SKIC3: variants seen among roughly 807,000 people sequenced by gnomAD.
The protein encoded by SKIC3 is superkiller complex protein 3.
At chr5:95,478,327 A>T in the SKIC3 span, 4 of 1,614,022 alleles carry the variant, frequency 2.5e-6, no homozygotes, top group Non-Finnish European at 3.4e-6. Context: ...TAGTCTCAAC[A>T]GACTTGAGAG....
At chr5:95,545,093 A>G in the SKIC3 span, among the ~76,000 whole-genome samples, 1 of 152,196 alleles carries the variant, frequency 6.6e-6, no homozygotes, top group Admixed American at 6.5e-5. Context: ...ATTATTAACT[A>G]TTTGGTGGAA....
the SKIC3 span, among the ~76,000 whole-genome samples, chr5:95,491,809 T>C: frequency 1.3e-5 from 2 of 152,244 alleles, no homozygotes; most frequent in African/African-American, 4.8e-5. Context: ...TGCTGTTTAC[T>C]TCAGCAAGTT....
the SKIC3 span, among the ~76,000 whole-genome samples, chr5:95,501,246 C>G: frequency 6.6e-6 from 1 of 152,124 alleles, no homozygotes; most frequent in African/African-American, 2.4e-5. Flanking sequence ...TAAATTATGA[C>G]TGAAATGACT....
chr5:95,528,776 C>T, the SKIC3 span: 54 of 528,332 alleles, frequency 1.0e-4, no homozygotes, highest in African/African-American at 5.0e-4. Flanking sequence ...TGTCAATATT[C>T]CAAATGCAGG....
the SKIC3 span, among the ~76,000 whole-genome samples, chr5:95,549,362 C>G: frequency 6.6e-6 from 1 of 151,940 alleles, no homozygotes; most frequent in Non-Finnish European, 1.5e-5. Flanking sequence ...GATTACAGAT[C>G]CTGAAAGTCA....
the SKIC3 span, among the ~76,000 whole-genome samples, chr5:95,548,956 C>G: frequency 2.6e-5 from 4 of 152,000 alleles, no homozygotes; most frequent in Non-Finnish European, 5.9e-5. Flanking sequence ...CCAACCACTA[C>G]TAAACTACAT....
chr5:95,509,418 T>C, the SKIC3 span, among the ~76,000 whole-genome samples: 24 of 152,272 alleles, frequency 1.6e-4, no homozygotes, highest in South Asian at 4.8e-3. Context: ...ATCTCACAGA[T>C]TGATTCCAGG....
At chr5:95,481,160 A>C in the SKIC3 span, among the ~76,000 whole-genome samples, 1 of 152,144 alleles carries the variant, frequency 6.6e-6, no homozygotes. Context: ...GCAGTCTCTT[A>C]AGACTTTACT....
chr5:95,464,924 C>CTTTTTTTTTTTT, the SKIC3 span, among the ~76,000 whole-genome samples: 2 of 106,994 alleles, frequency 1.9e-5, no homozygotes, highest in African/African-American at 3.8e-5. Context: ...ATTCTGATTG[C>CTTTTTTTTTTTT]TTTTTTTTTT....
the SKIC3 span, among the ~76,000 whole-genome samples, chr5:95,467,282 A>T: frequency 0.24 from 36,644 of 152,108 alleles, 5,772 homozygotes; most frequent in African/African-American, 0.44. Context: ...AAAAATATCC[A>T]TGAATCTATT....
chr5:95,514,939 A>T, the SKIC3 span: 1 of 1,610,562 alleles, frequency 6.2e-7, no homozygotes, highest in Admixed American at 1.7e-5. Context: ...AAAAAAAGGC[A>T]AAAAATATTA....
chr5:95,543,128 A>G, the SKIC3 span: 1 of 1,600,244 alleles, frequency 6.2e-7, no homozygotes, highest in East Asian at 2.2e-5. Context: ...CTGTATTTTG[A>G]AAAATGCAAA....
At chr5:95,517,181 T>C in the SKIC3 span, 10 of 1,613,270 alleles carry the variant, frequency 6.2e-6, no homozygotes, top group African/African-American at 2.7e-5. Flanking sequence ...TTTTCTTTAA[T>C]ACTTGTTTTC....
chr5:95,522,169 T>C, the SKIC3 span: 4 of 1,613,828 alleles, frequency 2.5e-6, no homozygotes, highest in African/African-American at 2.7e-5. Context: ...ACACACTGTA[T>C]ATGGATTCTG....
chr5:95,529,323 AC>A, the SKIC3 span: 1 of 586,844 alleles, frequency 1.7e-6, no homozygotes, highest in South Asian at 1.9e-5. Flanking sequence ...CCAAATCACT[AC>A]AAGTGCTTGC....
At chr5:95,535,215 T>G in the SKIC3 span, among the ~76,000 whole-genome samples, 1 of 151,864 alleles carries the variant, frequency 6.6e-6, no homozygotes, top group Non-Finnish European at 1.5e-5. Flanking sequence ...CTTATGGTAG[T>G]AAAAAGTACT....
chr5:95,539,535 C>T, the SKIC3 span, among the ~76,000 whole-genome samples: 1 of 151,954 alleles, frequency 6.6e-6, no homozygotes, highest in South Asian at 2.1e-4. Context: ...GAAAACAGTG[C>T]GGAGACTCCT....
chr5:95,550,096 A>G, the SKIC3 span, among the ~76,000 whole-genome samples: 1 of 151,966 alleles, frequency 6.6e-6, no homozygotes, highest in African/African-American at 2.4e-5. Context: ...TTTAAATAAG[A>G]GTATTCATTT....
the SKIC3 span, among the ~76,000 whole-genome samples, chr5:95,476,734 G>A: frequency 6.6e-6 from 1 of 152,124 alleles, no homozygotes; most frequent in African/African-American, 2.4e-5. Flanking sequence ...ACCAGAACAT[G>A]GGCTCTTAGA....
Sources: allele counts gnomAD v4.1 joint callset (sites outside exome capture counted in the v4.1 genomes callset), GRCh38; gene constraint gnomAD v4.1.1; transcripts MANE v1.5; gene names NCBI Gene and HGNC (gene_info 2026-07-23, HGNC 2026-07-21).